The following CHCHD3 variants were observed in gnomAD, a reference collection of about 807,000 sequenced individuals.
The protein encoded by CHCHD3 is MICOS complex subunit MIC19.
CHCHD3 carries 20 observed loss-of-function variants against 38.2 expected under a neutral mutation model. The observed-to-expected ratio is 0.52, with a 90% confidence interval of 0.37 to 0.76. CHCHD3 has a LOEUF of 0.76. Among genes scored for constraint, CHCHD3 ranks in the 30% least tolerant of loss-of-function variants. The pLI, the probability that CHCHD3 is intolerant of heterozygous loss-of-function variation, is 0.00. For synonymous variants in CHCHD3, 82 were observed against 100.0 expected (o/e 0.82, Z 1.07); for missense variants, 245 against 279.2 (o/e 0.88, Z 0.87).
chr7:132,984,197 C>T lies in CHCHD3; in HGVS notation c.252-8911G>A, dbSNP rs564884675. 3.6e-3 allele frequency among the ~76,000 whole-genome samples: 542 copies of T among 151,702 alleles called. 1 individual carries two copies. The highest frequency in any genetic ancestry group is 6.2e-3 in the Non-Finnish European group (419 of 67,820). ...CCTGCCTCAGCCTGCCGAGTGCCTG[C>T]GATTGCAGGCGCACGGCGCCACGCC... On this transcript the variant is annotated intron_variant, in intron 3 of 7. Coordinates refer to ENST00000262570, the MANE Select transcript of CHCHD3 (RefSeq NM_017812.4).
At chr7:132,913,758 A>C (rs1810026474) in intron 4 of CHCHD3, among the ~76,000 whole-genome samples, 1 of 152,084 alleles carries the variant, frequency 6.6e-6, no homozygotes, top group Non-Finnish European at 1.5e-5. Context: ...CAGCAGAGGG[A>C]AGGAAAGAAA....
intron 4 of CHCHD3, among the ~76,000 whole-genome samples, chr7:132,926,933 C>T (rs922654584): frequency 6.6e-6 from 1 of 151,752 alleles, no homozygotes; most frequent in Non-Finnish European, 1.5e-5. Flanking sequence ...TAGGTATTTT[C>T]GTTTTAACAA....
chr7:132,840,929 C>T (rs754053014), intron 5 of CHCHD3, among the ~76,000 whole-genome samples: 2 of 151,930 alleles, frequency 1.3e-5, no homozygotes, highest in Non-Finnish European at 2.9e-5. Flanking sequence ...CACACACACA[C>T]GCAATCACAC....
chr7:132,834,865 T>C (rs1282095996), intron 6 of CHCHD3, among the ~76,000 whole-genome samples: 1 of 152,140 alleles, frequency 6.6e-6, no homozygotes, highest in Non-Finnish European at 1.5e-5. Flanking sequence ...GTCCACATGA[T>C]AAACTCACCT....
chr7:133,024,499 A>G, intron 3 of CHCHD3, 47 bp downstream of exon 3: 1 of 1,285,128 alleles, frequency 7.8e-7, no homozygotes. Flanking sequence ...ATACTGGTAA[A>G]TATGACAAAA....
Position 133,021,113 on chromosome 7 carries a change from G to T in CHCHD3, c.251+3433C>A, listed in dbSNP as rs147610976. Among the ~76,000 whole-genome samples, 66 of 152,190 alleles carry T rather than the reference G, an allele frequency of 4.3e-4. No homozygotes were observed. The East Asian group carries it at 0.012, about 28-fold the overall frequency. Reference sequence around the variant, plus strand: ...CAAACATTGTCAAATGCCCCCTGGGGATCAAATGCTCTCCCAGCTGAGAAC... The same window carrying T: ...CAAACATTGTCAAATGCCCCCTGGGTATCAAATGCTCTCCCAGCTGAGAAC... On this transcript the variant is annotated intron_variant, in intron 3 of 7. Transcript: ENST00000262570.
chr7:133,050,676 T>A (rs185300192), intron 2 of CHCHD3, among the ~76,000 whole-genome samples: 1 of 152,288 alleles, frequency 6.6e-6, no homozygotes, highest in East Asian at 1.9e-4. Context: ...AAGCACTTTA[T>A]CACAGCTTAA....
intron 5 of CHCHD3, among the ~76,000 whole-genome samples, chr7:132,874,435 T>C (rs1220119789): frequency 2.0e-5 from 3 of 152,244 alleles, no homozygotes; most frequent in Non-Finnish European, 4.4e-5. Context: ...GAGGCTCTGA[T>C]GGAACAGAAG....
In CHCHD3 at chr7:132,808,736, CTT is replaced by C. The variant is rs11339560; in HGVS notation, c.525-12161_525-12160del. 1.6e-3 allele frequency among the ~76,000 whole-genome samples: 240 copies of C among 148,024 alleles called. 3 individuals carry two copies. The Middle Eastern group carries it at 0.028, about 17-fold the overall frequency. On this transcript the variant is annotated intron_variant, in intron 6 of 7. Coordinates refer to ENST00000262570, the MANE Select transcript of CHCHD3 (RefSeq NM_017812.4). Reference sequence around the variant, plus strand: ...GGTTCTTTTGTTGTTATTTATTTTCCTTTTTTTTTTTATTATACTTTAAGTTT... The same window carrying C: ...GGTTCTTTTGTTGTTATTTATTTTCCTTTTTTTTTATTATACTTTAAGTTT...
chr7:132,814,791 A>C (rs899508121), intron 6 of CHCHD3, among the ~76,000 whole-genome samples: 3 of 152,222 alleles, frequency 2.0e-5, no homozygotes, highest in African/African-American at 7.2e-5. Flanking sequence ...ATCATATATC[A>C]TATCATGGTA....
chr7:132,851,508 C>A (rs570015798), intron 5 of CHCHD3, among the ~76,000 whole-genome samples: 1 of 152,240 alleles, frequency 6.6e-6, no homozygotes, highest in Admixed American at 6.5e-5. Flanking sequence ...ATCAGTCATC[C>A]ACACTCACCT....
intron 6 of CHCHD3, among the ~76,000 whole-genome samples, chr7:132,831,376 T>C (rs1311508780): frequency 7.0e-6 from 1 of 142,522 alleles, no homozygotes; most frequent in Non-Finnish European, 1.6e-5. Context: ...ATTTATCATG[T>C]ACATTTGGTA....
intron 4 of CHCHD3, among the ~76,000 whole-genome samples, chr7:132,889,661 T>C (rs1444041077): frequency 6.6e-6 from 1 of 152,170 alleles, no homozygotes; most frequent in East Asian, 1.9e-4. Flanking sequence ...TAGTTTGAGA[T>C]CCACTGGGAA....
intron 6 of CHCHD3, among the ~76,000 whole-genome samples, chr7:132,835,372 C>G (rs2117090800): frequency 6.6e-6 from 1 of 152,184 alleles, no homozygotes; most frequent in East Asian, 1.9e-4. Flanking sequence ...TTGGCCAAGG[C>G]CAATTTCTTA....
Position 132,785,585 on chromosome 7 carries a change from T to C in CHCHD3, c.*52A>G. ...GTTGTTTTCTCACTAGGAAAAAAAA[T>C]GTTCCATCTCTGGAATTAACGTTGA... On this transcript the variant is annotated 3_prime_UTR_variant, in exon 8 of 8. Coordinates refer to ENST00000262570, the MANE Select transcript of CHCHD3 (RefSeq NM_017812.4). 6.3e-7 allele frequency: 1 copy of C among 1,592,680 alleles called. No individual in the cohort carries two copies. The highest frequency in any genetic ancestry group is 1.7e-5 in the Admixed American group (1 of 59,880).
intron 5 of CHCHD3, among the ~76,000 whole-genome samples, chr7:132,867,091 T>C (rs1340724263): frequency 6.6e-6 from 1 of 152,226 alleles, no homozygotes; most frequent in Non-Finnish European, 1.5e-5. Flanking sequence ...ACATAAAATA[T>C]ATTTGTTATT....
At chr7:133,017,349 T>C (rs915156917) in intron 3 of CHCHD3, among the ~76,000 whole-genome samples, 9 of 152,268 alleles carry the variant, frequency 5.9e-5, no homozygotes, top group Admixed American at 2.0e-4. Context: ...CTCAGTCATC[T>C]GTTTTTATAA....
chr7:132,838,495 G>C, intron 5 of CHCHD3, 26 bp from the exon 6 acceptor site: 1 of 1,528,738 alleles, frequency 6.5e-7, no homozygotes, highest in Non-Finnish European at 9.0e-7. Flanking sequence ...GATAGCAAAG[G>C]TTTCACTATC....
At chr7:132,887,857 G>C (rs927709213) in intron 4 of CHCHD3, among the ~76,000 whole-genome samples, 3 of 151,722 alleles carry the variant, frequency 2.0e-5, no homozygotes, top group African/African-American at 7.2e-5. Context: ...ATATAAATTG[G>C]TATACCCATT....
Sources: gnomAD v4.1 joint callset for allele counts (sites outside exome capture counted in the v4.1 genomes callset) on GRCh38, gnomAD v4.1.1 for gene constraint, MANE v1.5 for transcripts, NCBI Gene and HGNC (gene_info 2026-07-23, HGNC 2026-07-21) for gene names.